Variants in BMP5 observed in about 807,000 individuals in gnomAD.
The protein encoded by BMP5 is bone morphogenetic protein 5.
A neutral mutation model predicts 46.6 loss-of-function variants in BMP5; 23 were observed. The ratio of observed to expected loss-of-function variants is 0.49; its 90% CI spans 0.35 to 0.70. The LOEUF (loss-of-function observed/expected upper bound fraction) is 0.70, where lower values mean the gene tolerates loss of function less well. BMP5 is among the 30% of genes least tolerant of loss of function. The pLI is 0.00. For missense variants in BMP5, 545 were observed against 565.6 expected (o/e 0.96, Z 0.37); for synonymous variants, 204 against 191.9 (o/e 1.06, Z -0.52).
intron 1 of BMP5, among the ~76,000 whole-genome samples, chr6:55,832,109 T>C (rs939178435): frequency 1.3e-5 from 2 of 152,192 alleles, no homozygotes; most frequent in Non-Finnish European, 2.9e-5. Context: ...TGACAAAGTC[T>C]AGGTGAGCAA....
intron 3 of BMP5, among the ~76,000 whole-genome samples, chr6:55,790,568 A>T (rs902129876): frequency 1.3e-5 from 2 of 152,228 alleles, no homozygotes; most frequent in African/African-American, 4.8e-5. Context: ...GCCTAATAGC[A>T]TCTGCAATCA....
intron 1 of BMP5, among the ~76,000 whole-genome samples, chr6:55,846,262 A>G (rs986427636): frequency 6.6e-6 from 1 of 152,036 alleles, no homozygotes; most frequent in Non-Finnish European, 1.5e-5. Context: ...TGAAATGTAC[A>G]ACTCAAATAC....
At chr6:55,860,971 T>A (rs1299212961) in intron 1 of BMP5, among the ~76,000 whole-genome samples, 1 of 152,208 alleles carries the variant, frequency 6.6e-6, no homozygotes, top group Non-Finnish European at 1.5e-5. Flanking sequence ...ACAGGGGCAA[T>A]GAGTGAGCTA....
At chr6:55,833,928 G>C (rs2127543068) in intron 1 of BMP5, among the ~76,000 whole-genome samples, 1 of 152,146 alleles carries the variant, frequency 6.6e-6, no homozygotes, top group East Asian at 1.9e-4. Context: ...TTTAATAACA[G>C]TTATGAGATA....
At chr6:55,843,227 A>C (rs1777006884) in intron 1 of BMP5, among the ~76,000 whole-genome samples, 1 of 152,132 alleles carries the variant, frequency 6.6e-6, no homozygotes, top group Non-Finnish European at 1.5e-5. Context: ...CTTACTGATA[A>C]GTAATTAGCT....
At chr6:55,807,354 A>T (rs1477110269) in intron 2 of BMP5, among the ~76,000 whole-genome samples, 1 of 152,174 alleles carries the variant, frequency 6.6e-6, no homozygotes, top group Non-Finnish European at 1.5e-5. Flanking sequence ...TGTTTATGTG[A>T]TGGATTACAT....
intron 1 of BMP5, among the ~76,000 whole-genome samples, chr6:55,862,576 C>T (rs2127554000): frequency 6.6e-6 from 1 of 152,286 alleles, no homozygotes; most frequent in African/African-American, 2.4e-5. Flanking sequence ...AAGATTTAGA[C>T]AGCTCCAACA....
chr6:55,841,870 T>A (rs1776966800), intron 1 of BMP5, among the ~76,000 whole-genome samples: 1 of 151,592 alleles, frequency 6.6e-6, no homozygotes, highest in African/African-American at 2.4e-5. Context: ...CTTCAACATA[T>A]GAATTTGGAG....
In BMP5 at chr6:55,836,708, C is replaced by T. The variant is rs535181387; in HGVS notation, c.491-16861G>A. Among the ~76,000 whole-genome samples the T allele has an allele frequency of 2.0e-5, 3 of 151,860 alleles. No individual in the cohort carries two copies. The East Asian group carries it at 5.8e-4, about 30-fold the overall frequency. ...CTCCCAGGTTATCTTGTTTACCCTC[C>T]CAGCCTTTAGACTGGTGCCAACTAA... On this transcript the variant is annotated intron_variant, in intron 1 of 6. Transcript: ENST00000370830.
Position 55,754,914 on chromosome 6 carries a change from G to GTGCT in BMP5, c.*618_*619insAGCA, listed in dbSNP as rs1450249430. 3 of 152,110 alleles carry GTGCT rather than the reference G, an allele frequency of 2.0e-5. No individual in the cohort carries two copies. Among genetic ancestry groups the GTGCT allele is most frequent in the African/African-American group, 7.2e-5 (3 of 41,424 alleles). The allele number at this position is 152,110 out of a possible 1,614,324, so 9.4% of individuals were successfully genotyped here. On this transcript the variant is annotated 3_prime_UTR_variant, in exon 7 of 7. Coordinates refer to ENST00000370830, the MANE Select transcript of BMP5 (RefSeq NM_021073.4). ...AGCCAAAAAGGAACATGCTCCTACA[G>GTGCT]TTACACCACTTCTGTTAAAGCAAAC...
chr6:55,864,817 C>T (rs558492475), intron 1 of BMP5, among the ~76,000 whole-genome samples: 1 of 151,140 alleles, frequency 6.6e-6, no homozygotes, highest in African/African-American at 2.4e-5. Context: ...CTTTGGAGAC[C>T]AAACAAATAC....
intron 1 of BMP5, among the ~76,000 whole-genome samples, chr6:55,868,881 G>A (rs1370418183): frequency 6.6e-6 from 1 of 152,172 alleles, no homozygotes; most frequent in Non-Finnish European, 1.5e-5. Context: ...GTGTTTTAAA[G>A]GATATCTTAG....
At position 55,874,520 on chromosome 6, in the gene BMP5, A is replaced by G. The variant is rs1470292463; in HGVS notation, c.346T>C (p.Tyr116His). 1 of 1,613,462 alleles carries G rather than the reference A, an allele frequency of 6.2e-7. No individual in the cohort carries two copies. Among genetic ancestry groups the G allele is most frequent in the Non-Finnish European group, 8.5e-7 (1 of 1,179,642 alleles). The change falls in exon 1 of 7, where the codon TAC becomes CAC. Residue 116 changes from tyrosine to histidine, a missense_variant. By Grantham distance (83) the Tyr-to-His change is moderately conservative. Transcript: ENST00000370830. ...AEETRGARKG[Y>H]PASPNGYPRR... ...GGATACCCATTGGGAGAGGCTGGGT[A>G]TCCCTTTCTTGCCCCTCTGGTCTCT...
chr6:55,806,119 C>T (rs1775982411), intron 2 of BMP5, among the ~76,000 whole-genome samples: 1 of 151,988 alleles, frequency 6.6e-6, no homozygotes, highest in Admixed American at 6.6e-5. Flanking sequence ...TTGCTTTTGG[C>T]ATTTTCATCA....
At chr6:55,844,619 A>G (rs1777052096) in intron 1 of BMP5, among the ~76,000 whole-genome samples, 1 of 151,970 alleles carries the variant, frequency 6.6e-6, no homozygotes, top group Non-Finnish European at 1.5e-5. Flanking sequence ...GATTGTTAAA[A>G]TTCAATGTGA....
intron 2 of BMP5, among the ~76,000 whole-genome samples, chr6:55,814,872 G>A (rs1012055302): frequency 5.3e-5 from 8 of 152,330 alleles, no homozygotes; most frequent in Middle Eastern, 3.4e-3. Flanking sequence ...GCTCACGCCT[G>A]TAATCCCAAC....
chr6:55,861,934 G>A (rs1053810480), intron 1 of BMP5, among the ~76,000 whole-genome samples: 1 of 152,124 alleles, frequency 6.6e-6, no homozygotes, highest in Non-Finnish European at 1.5e-5. Context: ...GTAGGACTTC[G>A]GACAAAGGAC....
rs763002455 is a variant in BMP5, at chr6:55,774,034, C to T, written c.1027+15G>A. ...TAACTCTCTGTGCATAACTGCTGCT[C>T]GGGTTTATTCTTACCTCCAACACTG... On this transcript the variant is annotated intron_variant, in intron 4 of 6. Coordinates refer to ENST00000370830, the MANE Select transcript of BMP5 (RefSeq NM_021073.4). 1.2e-5 allele frequency: 19 copies of T among 1,611,248 alleles called. No individual in the cohort carries two copies. The highest frequency in any genetic ancestry group is 2.2e-5 in the East Asian group (1 of 44,836).
At position 55,754,989 on chromosome 6, in the gene BMP5, T is replaced by C. The variant is rs1284212974; in HGVS notation, c.*544A>G. 1 of 152,394 alleles carries C rather than the reference T, an allele frequency of 6.6e-6. No individual in the cohort carries two copies. The highest frequency in any genetic ancestry group is 1.5e-5 in the Non-Finnish European group (1 of 68,276). The allele number at this position is 152,394 out of a possible 1,614,324, so 9.4% of individuals were successfully genotyped here. ...TTCAGCTTCTATGTTCTGCCTACCG[T>C]TTATTTATTCAAATCCAGTTCAACA... On this transcript the variant is annotated 3_prime_UTR_variant, in exon 7 of 7. Coordinates refer to ENST00000370830, the MANE Select transcript of BMP5 (RefSeq NM_021073.4).
Sources: gnomAD v4.1 joint callset for allele counts (sites outside exome capture counted in the v4.1 genomes callset) on GRCh38, gnomAD v4.1.1 for gene constraint, MANE v1.5 for transcripts, NCBI Gene and HGNC (gene_info 2026-07-23, HGNC 2026-07-21) for gene names.